GREB1L: variants seen among roughly 807,000 people sequenced by gnomAD.
GREB1L encodes GREB1-like protein.
GREB1L carries 17 observed loss-of-function variants against 200.8 expected under a neutral mutation model. The observed-to-expected ratio is 0.08, with a 90% CI of 0.06 to 0.13. The LOEUF is 0.13. GREB1L is among the 10% of genes least tolerant of loss of function. GREB1L has a pLI of 1.00. For synonymous variants in GREB1L, 789 were observed against 893.0 expected (o/e 0.88, Z 2.08); for missense variants, 1,657 against 2,367.7 (o/e 0.70, Z 6.23).
rs1165382635 is a variant in GREB1L, at chr18:21,439,558, C to A, written c.870C>A (p.Gly290=). The A allele has an allele frequency of 1.7e-5, 26 of 1,550,436 alleles. No homozygotes were observed. The highest frequency in any genetic ancestry group is 2.1e-5 in the Non-Finnish European group (24 of 1,145,536). The change falls in exon 8 of 33, where the codon GGC becomes GGA. Residue 290 remains glycine (G), a synonymous_variant. Coordinates refer to ENST00000424526, the MANE Select transcript of GREB1L (RefSeq NM_001142966.3). ...ANGNSSHGGK[G]SASSSTPAHT... Reference sequence around the variant, plus strand: ...GAAACAGTAGCCATGGAGGGAAGGGCAGTGCATCCAGCTCCACTCCAGCCC... The same window carrying A: ...GAAACAGTAGCCATGGAGGGAAGGGAAGTGCATCCAGCTCCACTCCAGCCC...
chr18:21,309,556 G>A (rs2038758294), intron 1 of GREB1L, among the ~76,000 whole-genome samples: 1 of 152,160 alleles, frequency 6.6e-6, no homozygotes, highest in African/African-American at 2.4e-5. Flanking sequence ...AGGGCCATGG[G>A]GGTAGCCAGA....
chr18:21,369,275 G>A, intron 2 of GREB1L, among the ~76,000 whole-genome samples: 1 of 152,184 alleles, frequency 6.6e-6, no homozygotes, highest in East Asian at 1.9e-4. Context: ...CACTTTGGAA[G>A]CATTTCTGGT....
At chr18:21,333,491 A>G (rs898971588) in intron 1 of GREB1L, among the ~76,000 whole-genome samples, 11 of 152,054 alleles carry the variant, frequency 7.2e-5, no homozygotes, top group African/African-American at 2.4e-4. Context: ...CCTGGCCAAC[A>G]TGGTGAAACC....
chr18:21,246,952 C>T (rs1427344801), intron 1 of GREB1L, among the ~76,000 whole-genome samples: 1 of 152,134 alleles, frequency 6.6e-6, no homozygotes, highest in Non-Finnish European at 1.5e-5. Context: ...AAGTTATGCC[C>T]ACTGACTTGA....
In GREB1L at chr18:21,496,718, T is replaced by C. The variant is rs750279935; in HGVS notation, c.3391+20T>C. ...CCTCGGGTCAGTACTTTCTTTTCTC[T>C]TTCATGGAGTGAGAGACATGAGTCA... On this transcript the variant is annotated intron_variant, in intron 21 of 32. Transcript: ENST00000424526. 1.2e-5 allele frequency: 18 copies of C among 1,548,546 alleles called. No homozygotes were observed. Among genetic ancestry groups the C allele is most frequent in the Admixed American group, 2.0e-5 (1 of 50,864 alleles).
chr18:21,484,746 C>G (rs532827856), intron 17 of GREB1L, among the ~76,000 whole-genome samples: 1 of 152,200 alleles, frequency 6.6e-6, no homozygotes, highest in East Asian at 1.9e-4. Context: ...TCGCTTGAAA[C>G]CGGGAGGCAG....
At chr18:21,377,676 A>G (rs1201496501) in intron 2 of GREB1L, among the ~76,000 whole-genome samples, 1 of 152,168 alleles carries the variant, frequency 6.6e-6, no homozygotes, top group Non-Finnish European at 1.5e-5. Flanking sequence ...AGCCTGGGTA[A>G]CAGAGTAAGT....
chr18:21,426,353 G>A (rs563408363), intron 7 of GREB1L, among the ~76,000 whole-genome samples: 4 of 152,108 alleles, frequency 2.6e-5, no homozygotes, highest in East Asian at 1.9e-4. Flanking sequence ...CACCGCGCCC[G>A]GCCTTAGGTT....
Position 21,525,639 on chromosome 18 carries a change from G to T in GREB1L, c.*2818G>T, listed in dbSNP as rs76663915. Reference sequence around the variant, plus strand: ...TCCTTCTGGAAACAGAACAACTTTGGGTTGCTAAAACTAATACAAGGTGTT... The same window carrying T: ...TCCTTCTGGAAACAGAACAACTTTGTGTTGCTAAAACTAATACAAGGTGTT... On this transcript the variant is annotated 3_prime_UTR_variant, in exon 33 of 33. Transcript: ENST00000424526. Among the ~76,000 whole-genome samples the T allele has an allele frequency of 5.3e-5, 8 of 152,164 alleles. No homozygotes were observed. The South Asian group carries it at 8.3e-4, about 16-fold the overall frequency.
intron 10 of GREB1L, among the ~76,000 whole-genome samples, chr18:21,442,551 G>A (rs1011926272): frequency 6.6e-6 from 1 of 152,070 alleles, no homozygotes; most frequent in Non-Finnish European, 1.5e-5. Context: ...TGGTCCTTTG[G>A]TGCCTGCCTT....
intron 17 of GREB1L, among the ~76,000 whole-genome samples, chr18:21,482,773 G>A (rs369505636): frequency 4.7e-5 from 7 of 149,184 alleles, no homozygotes; most frequent in African/African-American, 9.8e-5. Flanking sequence ...CATCACCAAC[G>A]CCCGCAGCGA....
In GREB1L at chr18:21,518,019, C is replaced by G; in HGVS notation, c.5272-15C>G. 6.5e-7 allele frequency: 1 copy of G among 1,543,300 alleles called. No individual in the cohort carries two copies. The highest frequency in any genetic ancestry group is 8.8e-7 in the Non-Finnish European group (1 of 1,139,578). Reference sequence around the variant, plus strand: ...ACAGACAAGTTTCCCATGATCATCTCGCCTCTGATTTCAGGTGTCAGAGAG... The same window carrying G: ...ACAGACAAGTTTCCCATGATCATCTGGCCTCTGATTTCAGGTGTCAGAGAG... On this transcript the variant is annotated splice_polypyrimidine_tract_variant and intron_variant, in intron 30 of 32. Transcript: ENST00000424526.
At chr18:21,271,506 G>A (rs2038077492) in intron 1 of GREB1L, among the ~76,000 whole-genome samples, 1 of 151,324 alleles carries the variant, frequency 6.6e-6, no homozygotes, top group Non-Finnish European at 1.5e-5. Context: ...AAAAAAAATA[G>A]CCAGGCTTGG....
intron 19 of GREB1L, among the ~76,000 whole-genome samples, chr18:21,490,737 C>T (rs144716519): frequency 6.6e-6 from 1 of 152,310 alleles, no homozygotes; most frequent in East Asian, 1.9e-4. Context: ...TAAGTATCCT[C>T]AACTCACTAA....
chr18:21,332,500 A>C (rs1288659325), intron 1 of GREB1L, among the ~76,000 whole-genome samples: 1 of 151,694 alleles, frequency 6.6e-6, no homozygotes, highest in Non-Finnish European at 1.5e-5. Flanking sequence ...TTTGAGATGG[A>C]GTCTGGCTCT....
chr18:21,330,433 G>A (rs1003341456), intron 1 of GREB1L, among the ~76,000 whole-genome samples: 2 of 152,202 alleles, frequency 1.3e-5, no homozygotes, highest in Non-Finnish European at 2.9e-5. Flanking sequence ...AACCTCTGCT[G>A]TTGATACTGG....
At chr18:21,257,565 A>G (rs2037820680) in intron 1 of GREB1L, among the ~76,000 whole-genome samples, 1 of 152,132 alleles carries the variant, frequency 6.6e-6, no homozygotes, top group Non-Finnish European at 1.5e-5. Flanking sequence ...TTGAGGTTTT[A>G]TGCCATCATA....
At chr18:21,352,402 G>A (rs1157892131) in intron 1 of GREB1L, among the ~76,000 whole-genome samples, 1 of 151,302 alleles carries the variant, frequency 6.6e-6, no homozygotes, top group Non-Finnish European at 1.5e-5. Context: ...ATAAATACAG[G>A]GCTTAATTAA....
chr18:21,318,806 A>G (rs2042963272), intron 1 of GREB1L, among the ~76,000 whole-genome samples: 1 of 151,834 alleles, frequency 6.6e-6, no homozygotes, highest in Non-Finnish European at 1.5e-5. Context: ...ACAGATGCCC[A>G]CTGACCAAGA....
Sources: allele counts gnomAD v4.1 joint callset (sites outside exome capture counted in the v4.1 genomes callset), GRCh38; gene constraint gnomAD v4.1.1; transcripts MANE v1.5; gene names NCBI Gene and HGNC (gene_info 2026-07-23, HGNC 2026-07-21).